The following IQGAP1 variants were observed in gnomAD, a reference collection of about 807,000 sequenced individuals.
IQGAP1 encodes ras GTPase-activating-like protein IQGAP1.
A neutral mutation model predicts 215.6 loss-of-function variants in IQGAP1; 66 were observed. The ratio of observed to expected loss-of-function variants is 0.31; its 90% confidence interval spans 0.25 to 0.38. IQGAP1 has a LOEUF of 0.38. Ranked by LOEUF, IQGAP1 falls within the 10% of genes least tolerant of loss-of-function variation. The pLI is 1.00. For synonymous variants in IQGAP1, 772 were observed against 728.7 expected, an observed-to-expected ratio of 1.06 and a Z score of -0.96; for missense variants, 1,712 against 1,997.1, an observed-to-expected ratio of 0.86 and a Z score of 2.72.
chr15:90,397,889 T>TTTTTTTTTTTTTTTTTTTTTTTTTC (rs1964749203), intron 2 of IQGAP1: 2 of 126,944 alleles, frequency 1.6e-5, no homozygotes, highest in African/African-American at 3.2e-5. Flanking sequence ...TTTTTTTTTC[T>TTTTTTTTTTTTTTTTTTTTTTTTTC]TTTTTTTTTT....
intron 1 of IQGAP1, among the ~76,000 whole-genome samples, chr15:90,389,954 CA>C (rs5814431): frequency 0.013 from 1,624 of 125,148 alleles, 36 homozygotes; most frequent in East Asian, 0.11. Flanking sequence ...GACCCTGTCT[CA>C]AAAAAAAAAA....
chr15:90,482,402 G>A (rs1966072049), intron 28 of IQGAP1, 121 bp downstream of exon 28: 4 of 889,796 alleles, frequency 4.5e-6, no homozygotes, highest in African/African-American at 1.7e-5. Flanking sequence ...ACCATTGATT[G>A]TGAGCTTTTG....
intron 36 of IQGAP1, among the ~76,000 whole-genome samples, chr15:90,496,122 T>C (rs1291767396): frequency 6.6e-6 from 1 of 151,690 alleles, no homozygotes; most frequent in Non-Finnish European, 1.5e-5. Flanking sequence ...CCGTGAGGCG[T>C]TCCAGTTGAA....
chr15:90,406,324 G>A (rs541819893), intron 2 of IQGAP1, among the ~76,000 whole-genome samples: 22 of 152,252 alleles, frequency 1.4e-4, no homozygotes, highest in African/African-American at 4.8e-4. Context: ...AAAAACACAC[G>A]CCTGGCAATT....
chr15:90,431,256 T>C (rs1315004483), intron 4 of IQGAP1: 1 of 152,000 alleles, frequency 6.6e-6, no homozygotes, highest in Non-Finnish European at 1.5e-5. Flanking sequence ...GCCACTGGTA[T>C]GTTTGAGAAT....
chr15:90,495,925 G>GTTATTA (rs541106755), intron 36 of IQGAP1, among the ~76,000 whole-genome samples: 52 of 148,114 alleles, frequency 3.5e-4, no homozygotes, highest in East Asian at 1.2e-3. Flanking sequence ...TTATTATTAT[G>GTTATTA]TTATTATTAT....
chr15:90,396,486 C>T (rs1964721562), intron 2 of IQGAP1, among the ~76,000 whole-genome samples: 2 of 152,188 alleles, frequency 1.3e-5, no homozygotes, highest in African/African-American at 4.8e-5. Flanking sequence ...TCATGAGACC[C>T]AGTGTGACTA....
At chr15:90,438,507 A>G (rs1223026272) in intron 5 of IQGAP1, among the ~76,000 whole-genome samples, 1 of 152,166 alleles carries the variant, frequency 6.6e-6, no homozygotes. Flanking sequence ...CCAACCTGAT[A>G]ATTAAAAAGT....
At chr15:90,426,293 G>C (rs753756759) in intron 3 of IQGAP1, 27 bp downstream of exon 3, 1 of 1,574,276 alleles carries the variant, frequency 6.4e-7, no homozygotes, top group Non-Finnish European at 8.6e-7. Flanking sequence ...TTTGTGCTTA[G>C]ATTTCTGTCA....
At position 90,439,373 on chromosome 15, in the gene IQGAP1, A is replaced by G; in HGVS notation, c.509A>G (p.Asp170Gly). The G allele has an allele frequency of 6.2e-7, 1 of 1,613,150 alleles. No individual in the cohort carries two copies. The highest frequency in any genetic ancestry group is 8.5e-7 in the Non-Finnish European group (1 of 1,179,362). Residue 170 changes from aspartate to glycine, a missense_variant, in exon 6 of 38, where the codon GAC becomes GGC. Around this residue, in one of 2 missense-constraint regions of IQGAP1, gnomAD observed 1,021 missense variants for 1,074.2 expected, o/e 0.95. Coordinates refer to ENST00000268182, the MANE Select transcript of IQGAP1 (RefSeq NM_003870.4). ...FKLGLAPQIQ[D>G]LYGKVDFTEE... ...CTAGGCCTGGCCCCTCAGATTCAAG[A>G]CCTATATGGAAAGGTTGACTTCACA...
chr15:90,396,218 T>G (rs1460404703), intron 2 of IQGAP1, among the ~76,000 whole-genome samples: 3 of 152,184 alleles, frequency 2.0e-5, no homozygotes, highest in Non-Finnish European at 4.4e-5. Flanking sequence ...GCTCTTCAGA[T>G]CTCCTCTCCC....
intron 26 of IQGAP1, among the ~76,000 whole-genome samples, chr15:90,480,259 C>CT (rs1270986583): frequency 6.8e-6 from 1 of 147,026 alleles, no homozygotes; most frequent in African/African-American, 2.5e-5. Context: ...GATTTGAACT[C>CT]TTTTTAAGAT....
At chr15:90,473,503 G>A in intron 19 of IQGAP1, 6 of 550,332 alleles carry the variant, frequency 1.1e-5, no homozygotes, top group South Asian at 2.0e-5. Flanking sequence ...GTGCAGGGCT[G>A]TGCTGACGTT....
At chr15:90,427,529 C>T (rs530713366) in intron 3 of IQGAP1, among the ~76,000 whole-genome samples, 1 of 152,238 alleles carries the variant, frequency 6.6e-6, no homozygotes, top group South Asian at 2.1e-4. Flanking sequence ...CACTTGAGGT[C>T]AGGAGTTCAA....
Position 90,426,153 on chromosome 15 carries a change from G to T in IQGAP1, c.199G>T (p.Glu67Ter). The change falls in exon 3 of 38, where the codon GAA becomes TAA. Residue 67 changes from glutamate (E) to a stop codon, truncating the protein, a stop_gained. Transcript: ENST00000268182. LOFTEE classifies it high-confidence loss of function. ...CLGEDLPPTT[E>*]LEEGLRNGVY... Reference sequence around the variant, plus strand: ...AGGGGAAGATCTGCCTCCCACCACAGAACTGGAGGAGGGGCTTAGGAATGG... The same window carrying T: ...AGGGGAAGATCTGCCTCCCACCACATAACTGGAGGAGGGGCTTAGGAATGG... 1 of 1,605,922 alleles carries T rather than the reference G, an allele frequency of 6.2e-7. No homozygotes were observed. The highest frequency in any genetic ancestry group is 8.5e-7 in the Non-Finnish European group (1 of 1,176,808).
intron 26 of IQGAP1, among the ~76,000 whole-genome samples, chr15:90,478,138 C>A (rs546049030): frequency 8.9e-4 from 135 of 152,114 alleles, no homozygotes; most frequent in Middle Eastern, 6.8e-3. Flanking sequence ...ATTACAGTTG[C>A]ACGCTACCAC....
At chr15:90,448,884 AGGT>A in intron 10 of IQGAP1, 148 bp downstream of exon 10, 1 of 696,378 alleles carries the variant, frequency 1.4e-6, no homozygotes, top group Non-Finnish European at 2.1e-6. Flanking sequence ...AAAAATCCTC[AGGT>A]AAAATACACA....
intron 2 of IQGAP1, among the ~76,000 whole-genome samples, chr15:90,403,214 T>C (rs1347348750): frequency 1.3e-5 from 2 of 152,196 alleles, no homozygotes; most frequent in African/African-American, 4.8e-5. Context: ...AGTTCGAGGC[T>C]GCAGTGAGCT....
chr15:90,473,835 A>G (rs1349343159), intron 20 of IQGAP1, 37 bp downstream of exon 20: 3 of 1,608,558 alleles, frequency 1.9e-6, no homozygotes, highest in Non-Finnish European at 2.6e-6. Context: ...CATGAGGGGC[A>G]CAGGTATAAC....
Sources: allele counts gnomAD v4.1 joint callset (sites outside exome capture counted in the v4.1 genomes callset), GRCh38; gene constraint gnomAD v4.1.1; regional missense constraint gnomAD v4.1.1; transcripts MANE v1.5; gene names NCBI Gene and HGNC (gene_info 2026-07-23, HGNC 2026-07-21).